Variants in PRKCH observed in about 807,000 individuals in gnomAD.
PRKCH encodes protein kinase C eta, also known as protein kinase C eta type.
Under a neutral mutation model 82.5 loss-of-function variants are expected in PRKCH, and 28 were observed. The observed-to-expected ratio is 0.34, with a 90% CI of 0.25 to 0.47. The LOEUF (loss-of-function observed/expected upper bound fraction) is 0.47. PRKCH is among the 20% of genes least tolerant of loss of function. PRKCH has a pLI of 1.00. For missense variants in PRKCH, 705 were observed against 881.8 expected (o/e 0.80, Z 2.54); for synonymous variants, 322 against 327.4 (o/e 0.98, Z 0.18).
At chr14:61,346,615 C>T (rs2045995790) in intron 1 of PRKCH, among the ~76,000 whole-genome samples, 1 of 152,192 alleles carries the variant, frequency 6.6e-6, no homozygotes, top group South Asian at 2.1e-4. Flanking sequence ...GTTTCCCTGC[C>T]CTCAAGGAGC....
chr14:61,449,033 G>A (rs2296273), intron 4 of PRKCH, 131 bp from the exon 5 acceptor site: 551,008 of 740,876 alleles, frequency 0.74, 215,294 homozygotes, highest in Admixed American at 0.82. Context: ...AAGGATGGGC[G>A]CACCAGCTGC....
chr14:61,276,743 TAG>T (rs1461999099), intron 1 of PRKCH, among the ~76,000 whole-genome samples: 1 of 152,026 alleles, frequency 6.6e-6, no homozygotes, highest in Non-Finnish European at 1.5e-5. Flanking sequence ...ACCAGCAACT[TAG>T]AGAGTTACTC....
intron 1 of PRKCH, among the ~76,000 whole-genome samples, chr14:61,203,441 TGGAGGGGCTTGG>T (rs998230972): frequency 6.6e-6 from 1 of 151,998 alleles, no homozygotes; most frequent in African/African-American, 2.4e-5. Flanking sequence ...TCAGGCATGG[TGGAGGGGCTTGG>T]GGGGTACTCA....
At chr14:61,534,380 GGCT>G in intron 12 of PRKCH, among the ~76,000 whole-genome samples, 1 of 152,164 alleles carries the variant, frequency 6.6e-6, no homozygotes, top group Non-Finnish European at 1.5e-5. Flanking sequence ...GCATTCATTT[GGCT>G]GCACAGGGCC....
intron 10 of PRKCH, among the ~76,000 whole-genome samples, chr14:61,507,901 T>G (rs1887220541): frequency 6.6e-6 from 1 of 151,972 alleles, no homozygotes; most frequent in Non-Finnish European, 1.5e-5. Flanking sequence ...TACTTAAAAT[T>G]TTGCTAAGAG....
At chr14:61,276,793 C>T (rs2045207510) in intron 1 of PRKCH, among the ~76,000 whole-genome samples, 2 of 152,228 alleles carry the variant, frequency 1.3e-5, no homozygotes, top group Middle Eastern at 3.4e-3. Context: ...AAGACGGCAA[C>T]AGACTTAAAG....
intron 4 of PRKCH, among the ~76,000 whole-genome samples, chr14:61,447,865 G>A (rs28392481): frequency 0.027 from 4,041 of 152,176 alleles, 184 homozygotes; most frequent in African/African-American, 0.092. Context: ...ACCAAGATTC[G>A]AAATTTCCAC....
At chr14:61,492,801 G>A (rs1566911846) in intron 10 of PRKCH, among the ~76,000 whole-genome samples, 2 of 152,176 alleles carry the variant, frequency 1.3e-5, no homozygotes, top group Non-Finnish European at 2.9e-5. Flanking sequence ...TCCAAAATTG[G>A]AGTTTTCCCA....
intron 2 of PRKCH, among the ~76,000 whole-genome samples, chr14:61,434,461 C>A (rs1229468165): frequency 6.6e-6 from 1 of 151,458 alleles, no homozygotes; most frequent in African/African-American, 2.4e-5. Context: ...AAAAAAAACA[C>A]CAAAAAGGAA....
intron 9 of PRKCH, among the ~76,000 whole-genome samples, chr14:61,471,784 C>A (rs948458052): frequency 6.6e-6 from 1 of 151,872 alleles, no homozygotes; most frequent in African/African-American, 2.4e-5. Flanking sequence ...ACCAGCAGCA[C>A]CTCTCCAGTT....
intron 10 of PRKCH, among the ~76,000 whole-genome samples, chr14:61,509,911 T>C (rs1436982963): frequency 6.6e-6 from 1 of 151,944 alleles, no homozygotes; most frequent in Non-Finnish European, 1.5e-5. Flanking sequence ...TGAGGCTCCA[T>C]CTCAAAAAAA....
chr14:61,531,164 CTG>C (rs1011917370), intron 12 of PRKCH, among the ~76,000 whole-genome samples: 1 of 152,176 alleles, frequency 6.6e-6, no homozygotes, highest in African/African-American at 2.4e-5. Flanking sequence ...AAAGTCTTTT[CTG>C]TGTGTGCATT....
At chr14:61,238,128 A>C (rs1233063889) in intron 1 of PRKCH, among the ~76,000 whole-genome samples, 1 of 152,264 alleles carries the variant, frequency 6.6e-6, no homozygotes, top group Non-Finnish European at 1.5e-5. Context: ...GTAAGTAGGC[A>C]GCTTTAGACT....
chr14:61,458,825 A>C (rs1408183899), intron 9 of PRKCH, among the ~76,000 whole-genome samples: 1 of 152,132 alleles, frequency 6.6e-6, no homozygotes, highest in Non-Finnish European at 1.5e-5. Flanking sequence ...AGAGCTCACT[A>C]TCATGAGAAG....
chr14:61,230,686 C>T (rs1012985393), intron 1 of PRKCH, among the ~76,000 whole-genome samples: 1 of 152,172 alleles, frequency 6.6e-6, no homozygotes, highest in Non-Finnish European at 1.5e-5. Flanking sequence ...AAACTCTGAC[C>T]ACTGTCCCCC....
intron 1 of PRKCH, among the ~76,000 whole-genome samples, chr14:61,224,670 C>T (rs2044682700): frequency 6.6e-6 from 1 of 152,202 alleles, no homozygotes; most frequent in South Asian, 2.1e-4. Flanking sequence ...CCCATCACAT[C>T]ATATCCGGAG....
intron 10 of PRKCH, among the ~76,000 whole-genome samples, chr14:61,505,626 T>C (rs1161723792): frequency 6.6e-6 from 1 of 151,724 alleles, no homozygotes; most frequent in African/African-American, 2.4e-5. Context: ...CCACCCGCCT[T>C]GGCCTGCCAA....
chr14:61,549,561 A>G lies in PRKCH; in HGVS notation c.1906-124A>G, dbSNP rs556395445. ...AGTTTCATCATAACAATAACTGTAA[A>G]TAATGCTACTGAACAAGCTACAGAG... On this transcript the variant is annotated intron_variant, in intron 13 of 13. Transcript: ENST00000332981. 5.3e-5 allele frequency: 56 copies of G among 1,062,314 alleles called. No homozygotes were observed. The Middle Eastern group carries it at 6.3e-4, about 12-fold the overall frequency. The allele number at this position is 1,062,314 out of a possible 1,614,324, so 65.8% of individuals were successfully genotyped here. A position where few individuals can be genotyped will look rare whatever the true frequency, so the allele number is the denominator to read the frequency against.
chr14:61,340,480 C>T (rs1459537330), intron 1 of PRKCH, among the ~76,000 whole-genome samples: 1 of 152,124 alleles, frequency 6.6e-6, no homozygotes, highest in Non-Finnish European at 1.5e-5. Context: ...CAATATTGCC[C>T]ATATGCCAAG....
Sources: allele counts gnomAD v4.1 joint callset (sites outside exome capture counted in the v4.1 genomes callset), GRCh38; gene constraint gnomAD v4.1.1; transcripts MANE v1.5; gene names NCBI Gene and HGNC (gene_info 2026-07-23, HGNC 2026-07-21).